Variants in PKD1 observed in about 807,000 individuals in gnomAD.
The protein encoded by PKD1 is polycystin 1, transient receptor potential channel interacting.
PKD1 carries 81 observed loss-of-function variants against 361.7 expected under a neutral mutation model. The ratio of observed to expected loss-of-function variants is 0.22; its 90% CI spans 0.19 to 0.27. The LOEUF is 0.27. PKD1 is among the 10% of genes least tolerant of loss of function. PKD1 has a pLI of 1.00. For synonymous variants in PKD1, 3,615 were observed against 2,818.3 expected (o/e 1.28, Z -8.95); for missense variants, 6,399 against 6,118.3 (o/e 1.05, Z -1.53).
rs1219493715 is a variant in PKD1, at chr16:2,114,607, C to T, written c.2416G>A (p.Val806Met). The T allele has an allele frequency of 7.6e-6, 12 of 1,584,904 alleles. No homozygotes were observed. In the African/African-American group the frequency reaches 1.2e-4, roughly 16 times the overall value. Residue 806 changes from valine (V) to methionine (M), a missense_variant, in exon 11 of 46, where the codon GTG becomes ATG. Val to Met is a conservative substitution (Grantham distance 21). Transcript: ENST00000262304. Reference sequence around the variant, plus strand: ...CTGCAGGAGAGGTTGTGCCTGGACACGCCATTGCCCACCTCTGCCCGGACC... The same window carrying T: ...CTGCAGGAGAGGTTGTGCCTGGACATGCCATTGCCCACCTCTGCCCGGACC... ...YEVRAEVGNG[V>M]SRHNLSCSFD... is the part of the protein sequence containing the mutation.
intron 13 of PKD1, 142 bp from the exon 14 acceptor site, chr16:2,112,615 G>A (rs1048955168): frequency 2.1e-6 from 2 of 970,498 alleles, no homozygotes; most frequent in African/African-American, 1.6e-5. Context: ...CTGTGCTGAG[G>A]CCTCTCCCGG....
At chr16:2,131,133 C>A (rs369340764) in intron 1 of PKD1, among the ~76,000 whole-genome samples, 1 of 152,326 alleles carries the variant, frequency 6.6e-6, no homozygotes. Context: ...ACCCCCAAGA[C>A]ACAGCGAGAA....
At chr16:2,113,622 C>A (rs1055933465) in intron 11 of PKD1, among the ~76,000 whole-genome samples, 7 of 152,328 alleles carry the variant, frequency 4.6e-5, no homozygotes, top group Admixed American at 4.6e-4. Context: ...AGCTCCTCAC[C>A]CAGAGAGCTC....
In PKD1 at chr16:2,093,990, G is replaced by A. The variant is rs2859787; in HGVS notation, c.10642C>T (p.Arg3548Cys). 3.3e-5 allele frequency: 52 copies of A among 1,587,534 alleles called. 1 individual carries two copies. Among genetic ancestry groups the A allele is most frequent in the African/African-American group, 2.5e-4 (19 of 74,702 alleles). Residue 3548 changes from arginine to cysteine, a missense_variant, in exon 36 of 46, where the codon CGC (arginine) becomes TGC (cysteine). Transcript: ENST00000262304. ...RTGLVEGLRK[R>C]LLPAWCASLA... is the part of the protein sequence containing the mutation. ...GAGGCACACCAGGCCGGCAGCAGGC[G>A]CTTCCGCAGACCCTCCACCAGTCCT...
rs1446018518 is a variant in PKD1, at chr16:2,109,580, A to T, written c.5587T>A (p.Ser1863Thr). ...TMVFPDAGTF[S>T]IRLNASNAVS... ...GCGTTGGAGGCATTGAGCCGGATGG[A>T]GAAGGTGCCAGCATCCGGGAAGACC... is the stretch of plus-strand genomic sequence containing the variant. Residue 1863 changes from serine to threonine, a missense_variant, in exon 15 of 46, where the codon TCC becomes ACC. Coordinates refer to ENST00000262304, the MANE Select transcript of PKD1 (RefSeq NM_001009944.3). The T allele has an allele frequency of 2.5e-6, 4 of 1,611,620 alleles. No homozygotes were observed. Among genetic ancestry groups the T allele is most frequent in the East Asian group, 2.2e-5 (1 of 44,874 alleles).
rs150031440 is a variant in PKD1, at chr16:2,111,016, G to A, written c.4151C>T (p.Thr1384Ile). The A allele has an allele frequency of 8.1e-5, 131 of 1,610,690 alleles. No individual in the cohort carries two copies. In the African/African-American group the frequency reaches 1.6e-3, roughly 20 times the overall value. ...CACAAACTGCCTCTCTGGCTGCAGG[G>A]TGACGTTGCCCACCTCTGGCTCCAC... Reference protein sequence around the residue: ...ICVEPEVGNVTLQPERQFVQL... With the variant: ...ICVEPEVGNVILQPERQFVQL... Residue 1384 changes from threonine (T) to isoleucine (I), a missense_variant, in exon 15 of 46, where the codon ACC becomes ATC. Coordinates refer to ENST00000262304, the MANE Select transcript of PKD1 (RefSeq NM_001009944.3).
chr16:2,107,885 T>C lies in PKD1; in HGVS notation c.7063A>G (p.Thr2355Ala). 2.6e-6 allele frequency: 4 copies of C among 1,543,554 alleles called. No individual in the cohort carries two copies. Among genetic ancestry groups the C allele is most frequent in the Non-Finnish European group, 3.5e-6 (4 of 1,146,080 alleles). The change falls in exon 16 of 46, where the codon ACG (threonine) becomes GCG (alanine). Residue 2355 changes from threonine (T) to alanine (A), a missense_variant and splice_region_variant. Physicochemically the swap from Thr to Ala is moderately conservative, Grantham distance 58. Transcript: ENST00000262304. ...AGRKEEATNQ[T>A]VLIRSGRVPI... ...GCCGAGGGGCGGGCGGCACCCACCG[T>C]CTGGTTGGTGGCCTCCTCCTTGCGG...
In PKD1 at chr16:2,093,476, C is replaced by T. The variant is rs75734506; in HGVS notation, c.11016+68G>A. On this transcript the variant is annotated intron_variant, in intron 37 of 45. Coordinates refer to ENST00000262304, the MANE Select transcript of PKD1 (RefSeq NM_001009944.3). The stretch of plus-strand genomic sequence containing the variant: ...AGGAAAGGGGGACAGGAGTGTCCTG[C>T]GTGCATGGGTGGGAGGTGGGAGACA... The T allele has an allele frequency of 6.7e-4, 937 of 1,407,678 alleles. 4 individuals carry two copies. The African/African-American group carries it at 0.011, about 17-fold the overall frequency. The allele number at this position is 1,407,678 out of a possible 1,614,324, so 87.2% of individuals were successfully genotyped here. A position where few individuals can be genotyped will look rare whatever the true frequency, so the allele number is the denominator to read the frequency against.
rs747412495 is a variant in PKD1, at chr16:2,092,199, C to G, written c.11270-11G>C. The G allele has an allele frequency of 6.3e-7, 1 of 1,585,740 alleles. No individual in the cohort carries two copies. ...GGTCTGGGTAGAGTGCTGAAACACA[C>G]AGAGCCCCAGGCCGGGGCCAGGGCC... is the stretch of plus-strand genomic sequence containing the variant. On this transcript the variant is annotated splice_polypyrimidine_tract_variant and intron_variant, in intron 39 of 45. Transcript: ENST00000262304.
intron 42 of PKD1, 115 bp from the exon 43 acceptor site, chr16:2,091,289 G>A: frequency 2.6e-6 from 1 of 379,756 alleles, no homozygotes; most frequent in Non-Finnish European, 3.8e-6. Context: ...TGCCGGGGCG[G>A]GGCCCTGCGA....
rs866036951 is a variant in PKD1 at position 2,118,582 on chromosome 16, C to G, written c.529+94G>C. On this transcript the variant is annotated intron_variant, in intron 4 of 45. Coordinates refer to ENST00000262304, the MANE Select transcript of PKD1 (RefSeq NM_001009944.3). The surrounding 1 kb of genome is among the most constrained non-coding windows in gnomAD (Gnocchi z 6.0). Reference sequence around the variant, plus strand: ...GTTCCCTTGGCCCGGAGGCCCCCCCCAGAGAGGCCTTCCTGAGCCCTGCCC... The same window carrying G: ...GTTCCCTTGGCCCGGAGGCCCCCCCGAGAGAGGCCTTCCTGAGCCCTGCCC... The G allele has an allele frequency of 3.1e-5, 24 of 775,888 alleles. No individual in the cohort carries two copies. The highest frequency in any genetic ancestry group is 8.1e-5 in the Admixed American group (4 of 49,384). The allele number at this position is 775,888 out of a possible 1,614,324, so 48.1% of individuals were successfully genotyped here.
At chr16:2,126,976 T>C (rs2092807382) in intron 1 of PKD1, among the ~76,000 whole-genome samples, 1 of 152,106 alleles carries the variant, frequency 6.6e-6, no homozygotes, top group African/African-American at 2.4e-5. Context: ...CACCCACTCA[T>C]GGGCCAGGAT....
intron 1 of PKD1, among the ~76,000 whole-genome samples, chr16:2,122,800 A>T (rs992636511): frequency 3.3e-5 from 5 of 152,194 alleles, no homozygotes; most frequent in African/African-American, 1.2e-4. Context: ...GAGGTGCTGC[A>T]GAGGCCACGG....
Position 2,091,798 on chromosome 16 carries a change from G to A in PKD1, c.11520C>T (p.His3840=). The change falls in exon 41 of 46, where the codon CAC becomes CAT. Residue 3840 remains histidine (H), a synonymous_variant. Transcript: ENST00000262304. ...SRDRLRFLQL[H]NWLDNRSRAV... ...GCTCCCACCTGTTGTCCAGCCAGTT[G>A]TGCAGCTGCAGGAAGCGCAGCCGGT... is the stretch of plus-strand genomic sequence containing the variant. 6.2e-7 allele frequency: 1 copy of A among 1,611,052 alleles called. No individual in the cohort carries two copies. The highest frequency in any genetic ancestry group is 8.5e-7 in the Non-Finnish European group (1 of 1,179,522).
Position 2,089,093 on chromosome 16 carries a change from G to A in PKD1, c.*634C>T, listed in dbSNP as rs1044995706. ...TCTGGGGTGATGAGAGTGCCTGGCA[G>A]ACAGCTGTGCCCCCAGCACCGGCCC... is the stretch of plus-strand genomic sequence containing the variant. On this transcript the variant is annotated 3_prime_UTR_variant, in exon 46 of 46. Coordinates refer to ENST00000262304, the MANE Select transcript of PKD1 (RefSeq NM_001009944.3). 1 of 177,272 alleles carries A rather than the reference G, an allele frequency of 5.6e-6. No individual in the cohort carries two copies. 11.0% of individuals were successfully genotyped at this position (177,272 alleles called of 1,614,324 possible).
chr16:2,123,637 G>C (rs2092756026), intron 1 of PKD1: 3 of 419,238 alleles, frequency 7.2e-6, no homozygotes, highest in Non-Finnish European at 1.4e-5. Flanking sequence ...CTGCCCCCAC[G>C]TTCTGGTTCC....
chr16:2,117,582 T>G lies in PKD1; in HGVS notation c.1292A>C (p.Gln431Pro). ...CCAGGCCTGACACTGCTCCTGCGCC[T>G]GCAGCCAGGCCGCCTTCTCCACCAC... ...RLVVEKAAWL[Q>P]AQEQCQAWAG... The change falls in exon 6 of 46, where the codon CAG (glutamine) becomes CCG (proline). Residue 431 changes from glutamine (Q) to proline (P), a missense_variant. Gln to Pro is a moderately conservative substitution (Grantham distance 76). Coordinates refer to ENST00000262304, the MANE Select transcript of PKD1 (RefSeq NM_001009944.3). The G allele has an allele frequency of 6.2e-7, 1 of 1,608,936 alleles. No individual in the cohort carries two copies. The highest frequency in any genetic ancestry group is 8.5e-7 in the Non-Finnish European group (1 of 1,178,884).
Position 2,111,622 on chromosome 16 carries a change from G to A in PKD1, c.3545C>T (p.Ala1182Val), listed in dbSNP as rs376887908. Residue 1182 changes from alanine (A) to valine (V), a missense_variant, in exon 15 of 46, where the codon GCC becomes GTC. Transcript: ENST00000262304. ...GCGCACGTGGTAGGTGCCCCTCGAG[G>A]CATAGGTGTGGTTGGCAGCCGGCTG... ...QSQPAANHTY[A>V]SRGTYHVRLE... is the part of the protein sequence containing the mutation. 34 of 1,574,894 alleles carry A rather than the reference G, an allele frequency of 2.2e-5. No homozygotes were observed. Among genetic ancestry groups the A allele is most frequent in the Admixed American group, 3.7e-5 (2 of 54,284 alleles).
chr16:2,092,590 G>C lies in PKD1; in HGVS notation c.11159C>G (p.Ser3720Cys). 6.2e-7 allele frequency: 1 copy of C among 1,603,456 alleles called. No individual in the cohort carries two copies. The highest frequency in any genetic ancestry group is 8.5e-7 in the Non-Finnish European group (1 of 1,172,720). Residue 3720 changes from serine (S) to cysteine (C), a missense_variant and splice_region_variant, in exon 39 of 46, where the codon TCT becomes TGT. Transcript: ENST00000262304. ...GGCCATCCATGGCCAGAGCTCCTCA[G>C]ACCTGCCACAGCATCAGTCACACGC... ...HSRAFLAITR[S>C]EELWPWMAHV...
Sources: allele counts gnomAD v4.1 joint callset (sites outside exome capture counted in the v4.1 genomes callset), GRCh38; gene constraint gnomAD v4.1.1; non-coding constraint Gnocchi (gnomAD v3.1); transcripts MANE v1.5; gene names NCBI Gene and HGNC (gene_info 2026-07-23, HGNC 2026-07-21).